DNAH10: variants seen among roughly 807,000 people sequenced by gnomAD.
DNAH10 encodes the protein axonemal beta dynein heavy chain 10.
Under a neutral mutation model 506.6 loss-of-function variants are expected in DNAH10, and 348 were observed. That is an observed-to-expected ratio of 0.69 (90% CI 0.63 to 0.75). DNAH10 has a LOEUF of 0.75. Among genes scored for constraint, DNAH10 ranks in the 30% least tolerant of loss-of-function variants. The pLI is 0.00. For synonymous variants in DNAH10, 2,059 were observed against 2,198.6 expected, an observed-to-expected ratio of 0.94 and a Z score of 1.78; for missense variants, 5,179 against 5,787.1, an observed-to-expected ratio of 0.89 and a Z score of 3.41.
At chr12:123,932,812 GTGTT>G (rs1430389582) in intron 76 of DNAH10, 1 of 152,864 alleles carries the variant, frequency 6.5e-6, no homozygotes, top group Non-Finnish European at 1.5e-5. Context: ...CAGACATTTT[GTGTT>G]TGTTTTTCTG....
At position 123,893,032 on chromosome 12, in the gene DNAH10, C is replaced by G. The variant is rs570720665; in HGVS notation, c.8996-201C>G. On this transcript the variant is annotated intron_variant, in intron 52 of 78. Transcript: ENST00000673944. ...AGGCGAGCTGGCGGCATCTAGGATC[C>G]CCGTTTGACAGACAGGAGCTGGAGG... is the stretch of plus-strand genomic sequence containing the variant. Among the ~76,000 whole-genome samples the G allele has an allele frequency of 3.9e-5, 6 of 152,344 alleles. No homozygotes were observed. In the East Asian group the frequency reaches 1.2e-3, roughly 29 times the overall value.
chr12:123,859,093 A>T, intron 37 of DNAH10, 57 bp from the exon 38 acceptor site: 1 of 1,495,382 alleles, frequency 6.7e-7, no homozygotes, highest in Non-Finnish European at 9.1e-7. Flanking sequence ...TATCGCAATA[A>T]AACTGCGTCA....
intron 30 of DNAH10, among the ~76,000 whole-genome samples, chr12:123,843,306 C>T (rs1053423592): frequency 2.0e-5 from 3 of 152,194 alleles, no homozygotes; most frequent in Non-Finnish European, 4.4e-5. Flanking sequence ...TCCCAGGAAG[C>T]ACCTTTGCCC....
Position 123,935,387 on chromosome 12 carries a change from G to C in DNAH10, c.13676G>C (p.Gly4559Ala). 1.9e-6 allele frequency: 3 copies of C among 1,611,844 alleles called. No individual in the cohort carries two copies. Among genetic ancestry groups the C allele is most frequent in the African/African-American group, 2.7e-5 (2 of 75,036 alleles). Residue 4559 changes from glycine (G) to alanine (A), a missense_variant, in exon 79 of 79, where the codon GGA becomes GCA. Transcript: ENST00000673944. ...ACCTCCATGAGAAGGAACGCCATGG[G>C]AGTCGGCTTGGTTTTTGAAGCTGAT... ...YTTSMRRNAM[G>A]VGLVFEADLF... is the part of the protein sequence containing the mutation.
At chr12:123,804,723 G>T in intron 17 of DNAH10, 110 bp from the exon 18 acceptor site, 1 of 973,766 alleles carries the variant, frequency 1.0e-6, no homozygotes, top group East Asian at 2.4e-5. Flanking sequence ...GGCTGAGGTT[G>T]GAGGCTGGTT....
chr12:123,910,646 A>G lies in DNAH10; in HGVS notation c.10108A>G (p.Arg3370Gly), dbSNP rs1402797619. 2 of 1,611,296 alleles carry G rather than the reference A, an allele frequency of 1.2e-6. No homozygotes were observed. The highest frequency in any genetic ancestry group is 1.4e-5 in the African/African-American group (1 of 72,952). ...EAVMGYCDVF[R>G]EIKPKREKVA... ...TGTAATGGGCTACTGTGATGTTTTC[A>G]GAGAAATCAAGCCCAAAAGAGAGAA... The change falls in exon 59 of 79, where the codon AGA (arginine) becomes GGA (glycine). Residue 3370 changes from arginine to glycine, a missense_variant. Physicochemically the swap from Arg to Gly is moderately radical, Grantham distance 125 (BLOSUM62 -2). Coordinates refer to ENST00000673944, the MANE Select transcript of DNAH10 (RefSeq NM_001372106.1).
At chr12:123,921,273 C>T (rs1419993263) in intron 65 of DNAH10, among the ~76,000 whole-genome samples, 1 of 152,190 alleles carries the variant, frequency 6.6e-6, no homozygotes, top group Non-Finnish European at 1.5e-5. Context: ...ATCCTGGCTG[C>T]CAGCCTTCGT....
At chr12:123,859,660 T>A (rs1951540219) in intron 38 of DNAH10, among the ~76,000 whole-genome samples, 1 of 152,108 alleles carries the variant, frequency 6.6e-6, no homozygotes, top group South Asian at 2.1e-4. Context: ...GAATGTCACC[T>A]CCCCGGGTGC....
At chr12:123,779,522 A>G (rs1016224306) in intron 5 of DNAH10, among the ~76,000 whole-genome samples, 5 of 152,170 alleles carry the variant, frequency 3.3e-5, no homozygotes, top group African/African-American at 1.2e-4. Flanking sequence ...GCGTCTTTAT[A>G]TCAGCATCTC....
rs199968146 is a variant in DNAH10, at chr12:123,935,424, G to A, written c.13713G>A (p.Thr4571=). 2,907 of 1,609,988 alleles carry A rather than the reference G, an allele frequency of 1.8e-3. 49 individuals are homozygous for A. The highest frequency in any genetic ancestry group is 0.016 in the South Asian group (1,458 of 90,964). ...GLVFEADLFT[T]RHISHWVLQG... Reference sequence around the variant, plus strand: ...TTTTTGAAGCTGATCTCTTTACCACGAGGCACATTTCTCACTGGGTGCTGC... The same window carrying A: ...TTTTTGAAGCTGATCTCTTTACCACAAGGCACATTTCTCACTGGGTGCTGC... The change falls in exon 79 of 79, where the codon ACG becomes ACA. Residue 4571 remains threonine, a synonymous_variant. Transcript: ENST00000673944.
chr12:123,790,132 C>A lies in DNAH10; in HGVS notation c.1815+11C>A. Reference sequence around the variant, plus strand: ...AAGATTGAAGTTCTGGCAAGTGACACGTCCATTGAGTCCATCTTGGGAGTC... The same window carrying A: ...AAGATTGAAGTTCTGGCAAGTGACAAGTCCATTGAGTCCATCTTGGGAGTC... On this transcript the variant is annotated intron_variant, in intron 11 of 78. Coordinates refer to ENST00000673944, the MANE Select transcript of DNAH10 (RefSeq NM_001372106.1). The A allele has an allele frequency of 1.2e-6, 2 of 1,613,078 alleles. No homozygotes were observed. The highest frequency in any genetic ancestry group is 1.7e-6 in the Non-Finnish European group (2 of 1,179,318).
At chr12:123,807,831 AGAGGGAGAGAGGAAGGGAGAAG>A (rs1958743628) in intron 18 of DNAH10, among the ~76,000 whole-genome samples, 1 of 94,698 alleles carries the variant, frequency 1.1e-5, no homozygotes, top group Non-Finnish European at 2.1e-5. Context: ...GGAGGGGGGA[AGAGGGAGAGAGGAAGGGAGAAG>A]CCTGGAGAGG....
intron 19 of DNAH10, among the ~76,000 whole-genome samples, chr12:123,809,351 C>G (rs1594081692): frequency 6.6e-6 from 1 of 151,884 alleles, no homozygotes; most frequent in East Asian, 1.9e-4. Flanking sequence ...TTACCTTAAA[C>G]AAATACAAAT....
chr12:123,934,857 T>C (rs1293496020), intron 78 of DNAH10, 91 bp downstream of exon 78: 2 of 1,516,692 alleles, frequency 1.3e-6, no homozygotes, highest in Middle Eastern at 2.4e-4. Flanking sequence ...GTCCTACTTT[T>C]TAAAACAGGG....
At chr12:123,891,502 G>C (rs1356181488) in intron 52 of DNAH10, among the ~76,000 whole-genome samples, 1 of 152,184 alleles carries the variant, frequency 6.6e-6, no homozygotes, top group Non-Finnish European at 1.5e-5. Flanking sequence ...TGGGACCCGA[G>C]TGAACCATCC....
At chr12:123,778,744 C>T (rs1407051722) in intron 5 of DNAH10, among the ~76,000 whole-genome samples, 1 of 151,916 alleles carries the variant, frequency 6.6e-6, no homozygotes, top group Non-Finnish European at 1.5e-5. Flanking sequence ...GAGTTAAAAA[C>T]ATTTTTTTAA....
rs781134399 is a variant in DNAH10, at chr12:123,762,725, C to G, written c.214+175C>G. Among the ~76,000 whole-genome samples, 6 of 152,230 alleles carry G rather than the reference C, an allele frequency of 3.9e-5. No individual in the cohort carries two copies. The highest frequency in any genetic ancestry group is 6.5e-5 in the Admixed American group (1 of 15,280). On this transcript the variant is annotated intron_variant, in intron 1 of 78. Coordinates refer to ENST00000673944, the MANE Select transcript of DNAH10 (RefSeq NM_001372106.1). This position sits in a 1 kb window ranked among gnomAD's most constrained non-coding sequence, Gnocchi z 5.0. ...CCCGGGCGAACCCAGCAATCACAGC[C>G]GTCCCTGCCCTCCTGGGCCCACAGC...
chr12:123,777,415 G>A (rs1258250619), intron 5 of DNAH10, among the ~76,000 whole-genome samples: 1 of 152,248 alleles, frequency 6.6e-6, no homozygotes, highest in Non-Finnish European at 1.5e-5. Flanking sequence ...AGAGCTGGAG[G>A]GCTTGGCCCT....
chr12:123,817,646 G>A (rs190283220), intron 21 of DNAH10, among the ~76,000 whole-genome samples: 129 of 152,040 alleles, frequency 8.5e-4, no homozygotes, highest in African/African-American at 2.4e-3. Flanking sequence ...TAACTCTGTC[G>A]TGATCATTTA....
Sources: allele counts gnomAD v4.1 joint callset (sites outside exome capture counted in the v4.1 genomes callset), GRCh38; gene constraint gnomAD v4.1.1; non-coding constraint Gnocchi (gnomAD v3.1); transcripts MANE v1.5; gene names NCBI Gene and HGNC (gene_info 2026-07-23, HGNC 2026-07-21).